ESRRG: variants seen among roughly 807,000 people sequenced by gnomAD.
The protein encoded by ESRRG is estrogen-related receptor gamma.
Under a neutral mutation model 44.0 loss-of-function variants are expected in ESRRG, and 13 were observed. The observed-to-expected ratio is 0.30, with a 90% confidence interval of 0.19 to 0.47. The LOEUF is 0.47. Ranked by LOEUF, ESRRG falls within the 20% of genes least tolerant of loss-of-function variation. The pLI is 1.00. For missense variants in ESRRG, 395 were observed against 580.6 expected, an observed-to-expected ratio of 0.68 and a Z score of 3.29; for synonymous variants, 215 against 214.6, an observed-to-expected ratio of 1.00 and a Z score of -0.02.
intron 1 of ESRRG, among the ~76,000 whole-genome samples, chr1:216,993,845 C>G (rs542278527): frequency 1.3e-5 from 2 of 152,284 alleles, no homozygotes; most frequent in African/African-American, 4.8e-5. Flanking sequence ...TAGCCTATAG[C>G]AGATTTTCAG....
intron 3 of ESRRG, among the ~76,000 whole-genome samples, chr1:216,600,524 GTTTTT>G (rs1172329198): frequency 1.3e-5 from 2 of 151,968 alleles, no homozygotes; most frequent in South Asian, 2.1e-4. Flanking sequence ...GTTTTGTTTT[GTTTTT>G]TAACTTTTAA....
chr1:217,013,622 C>T lies in ESRRG; in HGVS notation c.-105-73949G>A, dbSNP rs182424634. On this transcript the variant is annotated intron_variant, in intron 1 of 7. Coordinates refer to the ESRRG transcript ENST00000359162. ...CCTATCACTTACCCCTGAAGTGTGA[C>T]ATTAGGCTTTAAATGTATTTCATCT... is the stretch of plus-strand genomic sequence containing the variant. Among the ~76,000 whole-genome samples, 375 of 152,284 alleles carry T rather than the reference C, an allele frequency of 2.5e-3. 1 individual carries two copies. The highest frequency in any genetic ancestry group is 8.7e-3 in the African/African-American group (363 of 41,558).
At chr1:216,848,198 T>C (rs1389897698) in intron 2 of ESRRG, among the ~76,000 whole-genome samples, 1 of 152,030 alleles carries the variant, frequency 6.6e-6, no homozygotes, top group African/African-American at 2.4e-5. Context: ...CAGAAAGACA[T>C]GTAAAAGTAC....
At chr1:216,717,889 G>T (rs989332688) in intron 1 of ESRRG, among the ~76,000 whole-genome samples, 5 of 151,740 alleles carry the variant, frequency 3.3e-5, no homozygotes, top group African/African-American at 4.8e-5. Flanking sequence ...AGATGTATTT[G>T]TCAGGCCCAA....
rs188548371 is a variant in ESRRG, at chr1:216,774,479, T to A, written c.-13-96988A>T. 9.1e-4 allele frequency among the ~76,000 whole-genome samples: 138 copies of A among 152,248 alleles called. 1 individual carries two copies. The highest frequency in any genetic ancestry group is 3.2e-3 in the African/African-American group (133 of 41,558). ...GTACATCAGTCATGCTGTGCTATCATCATGTTACTCTCTCATATTATCAAT... is the reference window on the plus strand; with the variant it reads ...GTACATCAGTCATGCTGTGCTATCAACATGTTACTCTCTCATATTATCAAT... On this transcript the variant is annotated intron_variant, in intron 2 of 7. Transcript: ENST00000359162.
chr1:216,530,105 C>T (rs2048853817), intron 5 of ESRRG, among the ~76,000 whole-genome samples: 2 of 103,388 alleles, frequency 1.9e-5, no homozygotes, highest in Admixed American at 1.1e-4. Flanking sequence ...GAGCGAGACT[C>T]CATCAAAAAA....
upstream of ESRRG, chr1:217,089,766 C>T (rs1218712398): frequency 6.6e-6 from 1 of 152,066 alleles, no homozygotes; most frequent in East Asian, 1.9e-4. Flanking sequence ...GGGTCCGCGT[C>T]CCGAGCGGCT....
chr1:216,917,662 A>G (rs984740079), intron 2 of ESRRG, among the ~76,000 whole-genome samples: 1 of 152,176 alleles, frequency 6.6e-6, no homozygotes, highest in African/African-American at 2.4e-5. Context: ...AGTTCACGTT[A>G]GCCATCATAG....
At chr1:216,839,844 C>T (rs2095624084) in intron 2 of ESRRG, among the ~76,000 whole-genome samples, 1 of 152,160 alleles carries the variant, frequency 6.6e-6, no homozygotes, top group African/African-American at 2.4e-5. Context: ...CAGGAGGTCT[C>T]AACAGTGGGC....
At chr1:216,735,987 A>AAAAAAAAAAAT (rs1453476198) in intron 2 of ESRRG, among the ~76,000 whole-genome samples, 120 of 137,106 alleles carry the variant, frequency 8.8e-4, no homozygotes, top group African/African-American at 1.7e-3. Context: ...CTCAAAAAAA[A>AAAAAAAAAAAT]ATATATATAT....
At chr1:216,915,627 A>G (rs920951929) in intron 2 of ESRRG, among the ~76,000 whole-genome samples, 2 of 152,218 alleles carry the variant, frequency 1.3e-5, no homozygotes, top group Admixed American at 1.3e-4. Context: ...ACTTGATTAC[A>G]AAGAGAAATC....
At position 216,798,805 on chromosome 1, in the gene ESRRG, C is replaced by A. The variant is rs544929156; in HGVS notation, c.-13-121314G>T. On this transcript the variant is annotated intron_variant, in intron 2 of 7. Transcript: ENST00000359162. The stretch of plus-strand genomic sequence containing the variant: ...ACCTTAGTTTCTTCATCTTTACAAG[C>A]GGGATAATAATACACCTACCTATGG... Among the ~76,000 whole-genome samples, 9 of 152,010 alleles carry A rather than the reference C, an allele frequency of 5.9e-5. No homozygotes were observed. The South Asian group carries it at 1.2e-3, about 21-fold the overall frequency.
intron 2 of ESRRG, among the ~76,000 whole-genome samples, chr1:216,901,146 T>C (rs2059021816): frequency 6.6e-6 from 1 of 151,776 alleles, no homozygotes; most frequent in Non-Finnish European, 1.5e-5. Context: ...AGCCAAAAAC[T>C]GCATCTGCTT....
At chr1:216,517,171 G>A (rs1381817710) in intron 6 of ESRRG, among the ~76,000 whole-genome samples, 1 of 152,094 alleles carries the variant, frequency 6.6e-6, no homozygotes, top group Non-Finnish European at 1.5e-5. Context: ...ACCATGATAA[G>A]AGAAGAAAGG....
intron 2 of ESRRG, among the ~76,000 whole-genome samples, chr1:216,901,305 T>C (rs1342081044): frequency 1.3e-5 from 2 of 152,260 alleles, no homozygotes; most frequent in East Asian, 3.9e-4. Flanking sequence ...TATAGGACAC[T>C]AGATCTCATT....
At chr1:216,561,044 T>C (rs1275958385) in intron 5 of ESRRG, among the ~76,000 whole-genome samples, 1 of 152,182 alleles carries the variant, frequency 6.6e-6, no homozygotes, top group Non-Finnish European at 1.5e-5. Context: ...GATCTTTTTT[T>C]CTTCTAGAGA....
intron 1 of ESRRG, among the ~76,000 whole-genome samples, chr1:217,037,881 C>A (rs1310027210): frequency 6.6e-6 from 1 of 152,188 alleles, no homozygotes; most frequent in Non-Finnish European, 1.5e-5. Context: ...AGGCCCCATG[C>A]AAGTCCGAAA....
At chr1:216,590,291 T>C (rs2057430722) in intron 3 of ESRRG, among the ~76,000 whole-genome samples, 1 of 152,142 alleles carries the variant, frequency 6.6e-6, no homozygotes, top group Non-Finnish European at 1.5e-5. Context: ...CAAACAGTTC[T>C]AAGATTCGTG....
chr1:217,119,299 G>T (rs539770002), intron 1 of ESRRG, among the ~76,000 whole-genome samples: 1 of 152,028 alleles, frequency 6.6e-6, no homozygotes, highest in Non-Finnish European at 1.5e-5. Flanking sequence ...TGTTTGTGTC[G>T]TTATGACTAA....
Sources: allele counts gnomAD v4.1 joint callset (sites outside exome capture counted in the v4.1 genomes callset), GRCh38; gene constraint gnomAD v4.1.1; transcripts MANE v1.5; gene names NCBI Gene and HGNC (gene_info 2026-07-23, HGNC 2026-07-21).